The following FLYWCH1 variants were observed in gnomAD, a reference collection of about 807,000 sequenced individuals.
FLYWCH1 encodes FLYWCH-type zinc finger-containing protein 1.
In FLYWCH1, 75 loss-of-function variants were observed where a neutral mutation model predicts 66.4. The ratio of observed to expected loss-of-function variants is 1.13; its 90% CI spans 0.94 to 1.37. The LOEUF (loss-of-function observed/expected upper bound fraction) is 1.37. Among genes scored for constraint, FLYWCH1 ranks in the 40% most tolerant of loss-of-function variants. The pLI, the probability that FLYWCH1 is intolerant of heterozygous loss-of-function variation, is 0.00. For missense variants in FLYWCH1, 1,334 were observed against 1,001.8 expected, an observed-to-expected ratio of 1.33 and a Z score of -4.48; for synonymous variants, 595 against 429.9, an observed-to-expected ratio of 1.38 and a Z score of -4.75.
At chr16:2,939,957 G>T in intron 8 of FLYWCH1, 75 bp from the exon 9 acceptor site, 1 of 1,523,744 alleles carries the variant, frequency 6.6e-7, no homozygotes, top group South Asian at 1.2e-5. Context: ...TCGTTAACAA[G>T]GTGTGTGTCC....
At chr16:2,927,708 C>T (rs774390189) in intron 2 of FLYWCH1, among the ~76,000 whole-genome samples, 2 of 152,188 alleles carry the variant, frequency 1.3e-5, no homozygotes, top group East Asian at 1.9e-4. Context: ...ATCTCAGGGT[C>T]GTGGGTTCAC....
chr16:2,938,445 A>G lies in FLYWCH1; in HGVS notation c.2039A>G (p.Gln680Arg). The G allele has an allele frequency of 6.6e-7, 1 of 1,524,654 alleles. No individual in the cohort carries two copies. The highest frequency in any genetic ancestry group is 1.4e-5 in the African/African-American group (1 of 72,072). 94.4% of individuals were successfully genotyped at this position (1,524,654 alleles called of 1,614,324 possible). A position where few individuals can be genotyped will look rare whatever the true frequency, so the allele number is the denominator to read the frequency against. Residue 680 changes from glutamine (Q) to arginine (R), a missense_variant, in exon 8 of 10, where the codon CAG becomes CGG. Gln to Arg is a conservative substitution (Grantham distance 43). Coordinates refer to ENST00000253928, the MANE Select transcript of FLYWCH1 (RefSeq NM_001308068.2). The stretch of plus-strand genomic sequence containing the variant: ...GAGCGGCTCCCCACCACGGCCCAGC[A>G]GGAGGACCCAGGTACAGGCAGGCTG... ...QRERLPTTAQ[Q>R]EDPEKIQVQL... is the part of the protein sequence containing the mutation.
intron 2 of FLYWCH1, among the ~76,000 whole-genome samples, chr16:2,918,085 C>T (rs1216671613): frequency 6.6e-6 from 1 of 151,764 alleles, no homozygotes; most frequent in Non-Finnish European, 1.5e-5. Flanking sequence ...GTGATCCACC[C>T]ACCTCGGCCT....
intron 2 of FLYWCH1, among the ~76,000 whole-genome samples, chr16:2,927,632 TG>T (rs1243741618): frequency 2.0e-5 from 3 of 152,216 alleles, no homozygotes; most frequent in Admixed American, 2.0e-4. Flanking sequence ...GTTATAATTG[TG>T]GCCAAATTGG....
intron 9 of FLYWCH1, among the ~76,000 whole-genome samples, chr16:2,946,102 A>C (rs181447503): frequency 6.6e-6 from 1 of 152,292 alleles, no homozygotes; most frequent in East Asian, 1.9e-4. Flanking sequence ...TAAAAAAAGC[A>C]AAAAGTTTAA....
Position 2,933,292 on chromosome 16 carries a change from G to C in FLYWCH1, c.959G>C (p.Gly320Ala), listed in dbSNP as rs1206391573. The C allele has an allele frequency of 1.2e-6, 2 of 1,612,080 alleles. No homozygotes were observed. Among genetic ancestry groups the C allele is most frequent in the Non-Finnish European group, 1.7e-6 (2 of 1,179,456 alleles). The change falls in exon 5 of 10, where the codon GGA becomes GCA. Residue 320 changes from glycine to alanine, a missense_variant. Physicochemically the swap from Gly to Ala is moderately conservative, Grantham distance 60. Transcript: ENST00000253928. ...TGCCGGAGCCGGGCCATCACCCAGG[G>C]ACAGCGGGTGACTGTGATGCGTGGG... Reference protein sequence around the residue: ...HGCRSRAITQGQRVTVMRGHC... With the variant: ...HGCRSRAITQAQRVTVMRGHC...
intron 2 of FLYWCH1, among the ~76,000 whole-genome samples, chr16:2,918,647 G>T (rs1226944258): frequency 1.3e-5 from 2 of 150,734 alleles, no homozygotes; most frequent in Admixed American, 1.3e-4. Context: ...CTCCATTTTA[G>T]TCAGGCTGGT....
intron 2 of FLYWCH1, chr16:2,922,562 A>G (rs954228790): frequency 2.0e-5 from 6 of 296,014 alleles, no homozygotes; most frequent in Non-Finnish European, 3.3e-5. Flanking sequence ...GGAATCAGAC[A>G]GTGTTTGTCC....
At chr16:2,930,912 C>T in intron 4 of FLYWCH1, 32 bp downstream of exon 4, 1 of 1,521,338 alleles carries the variant, frequency 6.6e-7, no homozygotes, top group South Asian at 1.2e-5. Context: ...GCTGCGTCCA[C>T]TCGGGGCAGG....
chr16:2,919,399 G>A (rs1213507565), intron 2 of FLYWCH1, among the ~76,000 whole-genome samples: 1 of 151,836 alleles, frequency 6.6e-6, no homozygotes, highest in Non-Finnish European at 1.5e-5. Context: ...CCGAGTAGTT[G>A]GGATTACAGG....
At chr16:2,921,822 G>C (rs183830757) in intron 2 of FLYWCH1, among the ~76,000 whole-genome samples, 1 of 152,270 alleles carries the variant, frequency 6.6e-6, no homozygotes, top group Admixed American at 6.5e-5. Flanking sequence ...CCAGCACTTT[G>C]GGAGGCCAAG....
chr16:2,933,025 C>T lies in FLYWCH1; in HGVS notation c.797-105C>T, dbSNP rs189097987. On this transcript the variant is annotated intron_variant, in intron 4 of 9. Coordinates refer to ENST00000253928, the MANE Select transcript of FLYWCH1 (RefSeq NM_001308068.2). ...CTCAGGAAGCCAGGGTAAATTTCAG[C>T]CTTAAAGGAGAAAGGCTCGTGTCAG... The T allele has an allele frequency of 2.7e-5, 28 of 1,021,522 alleles. No individual in the cohort carries two copies. The East Asian group carries it at 6.7e-4, about 25-fold the overall frequency. The allele number at this position is 1,021,522 out of a possible 1,614,324, so 63.3% of individuals were successfully genotyped here. A position where few individuals can be genotyped will look rare whatever the true frequency, so the allele number is the denominator to read the frequency against.
Position 2,929,622 on chromosome 16 carries a change from A to C in FLYWCH1, c.-64A>C, listed in dbSNP as rs1048612265. ...TTGCTTCCTTCCTTAGGACGGAACC[A>C]CTGCACTCCAGGTTCCTTGCTGGGT... is the stretch of plus-strand genomic sequence containing the variant. On this transcript the variant is annotated 5_prime_UTR_variant, in exon 3 of 10. Transcript: ENST00000253928. 2 of 1,529,932 alleles carry C rather than the reference A, an allele frequency of 1.3e-6. No homozygotes were observed. The highest frequency in any genetic ancestry group is 4.7e-5 in the East Asian group (2 of 42,240). 94.8% of individuals were successfully genotyped at this position (1,529,932 alleles called of 1,614,324 possible). A position where few individuals can be genotyped will look rare whatever the true frequency, so the allele number is the denominator to read the frequency against.
In FLYWCH1 at chr16:2,948,947, G is replaced by A. The variant is rs774069622; in HGVS notation, c.*220G>A. On this transcript the variant is annotated 3_prime_UTR_variant, in exon 10 of 10. Transcript: ENST00000253928. ...GTGCTCAGAGCTGGCGCTTGCAGACGCAGCTGTCGTGGGGCAGGGCGGTGG... is the reference window on the plus strand; with the variant it reads ...GTGCTCAGAGCTGGCGCTTGCAGACACAGCTGTCGTGGGGCAGGGCGGTGG... The A allele has an allele frequency of 9.1e-6, 5 of 548,048 alleles. No individual in the cohort carries two copies. The highest frequency in any genetic ancestry group is 3.1e-5 in the East Asian group (1 of 32,022). The allele number at this position is 548,048 out of a possible 1,614,324, so 33.9% of individuals were successfully genotyped here. A position where few individuals can be genotyped will look rare whatever the true frequency, so the allele number is the denominator to read the frequency against.
chr16:2,937,527 G>T, intron 7 of FLYWCH1, 143 bp downstream of exon 7: 1 of 1,035,762 alleles, frequency 9.7e-7, no homozygotes, highest in Non-Finnish European at 1.3e-6. Context: ...AGGGGCAGGA[G>T]GCTCCATCTG....
chr16:2,924,246 C>T (rs1057469924), intron 2 of FLYWCH1, among the ~76,000 whole-genome samples: 13 of 151,358 alleles, frequency 8.6e-5, no homozygotes, highest in Non-Finnish European at 1.8e-4. Context: ...AGGAGAATGG[C>T]GTGAACCCGG....
chr16:2,933,904 C>G lies in FLYWCH1; in HGVS notation c.1438C>G (p.Pro480Ala). The change falls in exon 6 of 10, where the codon CCG (proline) becomes GCG (alanine). Residue 480 changes from proline (P) to alanine (A), a missense_variant. Coordinates refer to ENST00000253928, the MANE Select transcript of FLYWCH1 (RefSeq NM_001308068.2). ...GACTGTCATGCGTGGTCACTGCCAC[C>G]CGCCCGACCTGGGAGGCCTGGAGGC... Reference protein sequence around the residue: ...RVTVMRGHCHPPDLGGLEALR... With the variant: ...RVTVMRGHCHAPDLGGLEALR... 6.3e-7 allele frequency: 1 copy of G among 1,580,560 alleles called. No homozygotes were observed. Among genetic ancestry groups the G allele is most frequent in the Non-Finnish European group, 8.6e-7 (1 of 1,163,770 alleles).
rs367659507 is a variant in FLYWCH1, at chr16:2,933,680, T to C, written c.1250-36T>C. The C allele has an allele frequency of 7.5e-6, 12 of 1,595,704 alleles. No homozygotes were observed. The African/African-American group carries it at 1.5e-4, about 20-fold the overall frequency. On this transcript the variant is annotated intron_variant, in intron 5 of 9. Coordinates refer to ENST00000253928, the MANE Select transcript of FLYWCH1 (RefSeq NM_001308068.2). ...GGTGCGATCAGGCCTACCCAGCCCC[T>C]GTCCCCTCCCCTGACTGCCTCTTGA...
chr16:2,941,705 C>T (rs1412444778), intron 9 of FLYWCH1, among the ~76,000 whole-genome samples: 6 of 150,558 alleles, frequency 4.0e-5, no homozygotes, highest in Non-Finnish European at 8.9e-5. Flanking sequence ...CTCATCTCCA[C>T]AAAAAATAGA....
Sources: gnomAD v4.1 joint callset for allele counts (sites outside exome capture counted in the v4.1 genomes callset) on GRCh38, gnomAD v4.1.1 for gene constraint, MANE v1.5 for transcripts, NCBI Gene and HGNC (gene_info 2026-07-23, HGNC 2026-07-21) for gene names.